The following DCDC1 variants were observed in gnomAD, a reference collection of about 807,000 sequenced individuals.
The protein encoded by DCDC1 is doublecortin domain-containing protein 1.
DCDC1 carries 200 observed loss-of-function variants against 178.3 expected under a neutral mutation model. The observed-to-expected ratio is 1.12, with a 90% CI of 1.00 to 1.26. The LOEUF is 1.26. DCDC1 is among the 50% of genes most tolerant of loss of function. The pLI is 0.00. For synonymous variants in DCDC1, 690 were observed against 604.8 expected (o/e 1.14, Z -2.07); for missense variants, 1,983 against 1,749.2 (o/e 1.13, Z -2.38).
At chr11:31,201,824 G>T (rs1400791455) in intron 9 of DCDC1, among the ~76,000 whole-genome samples, 1 of 152,082 alleles carries the variant, frequency 6.6e-6, no homozygotes, top group Non-Finnish European at 1.5e-5. Context: ...GAGGAAAGAA[G>T]TGAAAACAAA....
intron 20 of DCDC1, among the ~76,000 whole-genome samples, chr11:31,001,937 T>C (rs1951602675): frequency 6.6e-6 from 1 of 152,238 alleles, no homozygotes; most frequent in South Asian, 2.1e-4. Context: ...TCTAATGAAT[T>C]TCCAGTGTCC....
At chr11:31,099,673 A>T (rs1958375548) in intron 15 of DCDC1, among the ~76,000 whole-genome samples, 1 of 151,602 alleles carries the variant, frequency 6.6e-6, no homozygotes, top group Non-Finnish European at 1.5e-5. Context: ...GTCACAAATC[A>T]GATAGGGCTA....
chr11:31,281,153 GTTCT>G (rs1946396263), intron 7 of DCDC1, among the ~76,000 whole-genome samples: 1 of 151,954 alleles, frequency 6.6e-6, no homozygotes, highest in Non-Finnish European at 1.5e-5. Context: ...TTTTATGTAG[GTTCT>G]TTAAGGTATT....
chr11:31,096,564 G>T (rs958708478), intron 15 of DCDC1, among the ~76,000 whole-genome samples: 3 of 152,068 alleles, frequency 2.0e-5, no homozygotes, highest in Non-Finnish European at 4.4e-5. Flanking sequence ...GGGGTCCTTT[G>T]TCTCTGCCTT....
chr11:31,030,316 G>A (rs1267426850), intron 20 of DCDC1, among the ~76,000 whole-genome samples: 1 of 152,016 alleles, frequency 6.6e-6, no homozygotes, highest in East Asian at 1.9e-4. Flanking sequence ...GCACCACACA[G>A]TTGGTAGACA....
intron 29 of DCDC1, 140 bp downstream of exon 29, chr11:30,908,806 G>T: frequency 4.8e-6 from 3 of 618,876 alleles, no homozygotes; most frequent in South Asian, 7.5e-5. Context: ...CAGAATCAGA[G>T]TCTAAGTGAT....
intron 2 of DCDC1, among the ~76,000 whole-genome samples, chr11:31,333,519 G>C (rs2133143609): frequency 6.6e-6 from 1 of 152,254 alleles, no homozygotes; most frequent in East Asian, 1.9e-4. Flanking sequence ...GCTGGTACTG[G>C]TTGTTTCTTT....
intron 7 of DCDC1, among the ~76,000 whole-genome samples, chr11:31,268,711 A>G (rs1338552340): frequency 6.6e-6 from 1 of 152,216 alleles, no homozygotes; most frequent in Admixed American, 6.5e-5. Context: ...TTTTGGCAGA[A>G]TGATTTTTCT....
At chr11:31,111,642 TG>T in intron 11 of DCDC1, among the ~76,000 whole-genome samples, 1 of 152,268 alleles carries the variant, frequency 6.6e-6, no homozygotes, top group East Asian at 1.9e-4. Flanking sequence ...TGCAAACCTA[TG>T]GAAAATAATG....
intron 7 of DCDC1, among the ~76,000 whole-genome samples, chr11:31,289,659 G>A (rs1304790633): frequency 6.6e-6 from 1 of 151,946 alleles, no homozygotes; most frequent in Non-Finnish European, 1.5e-5. Context: ...TTTCTGTTAG[G>A]TGCATATTAT....
chr11:31,150,656 C>T (rs1016539360), intron 9 of DCDC1, among the ~76,000 whole-genome samples: 1 of 152,098 alleles, frequency 6.6e-6, no homozygotes, highest in Admixed American at 6.5e-5. Context: ...CTTTTTAATA[C>T]TCCTTTCCTT....
intron 9 of DCDC1, among the ~76,000 whole-genome samples, chr11:31,203,340 T>C (rs548665114): frequency 2.0e-5 from 3 of 152,276 alleles, no homozygotes; most frequent in South Asian, 4.1e-4. Context: ...AAGAAAAATA[T>C]AGTATCCAGT....
chr11:31,191,825 T>C (rs2136354890), intron 9 of DCDC1, among the ~76,000 whole-genome samples: 1 of 152,180 alleles, frequency 6.6e-6, no homozygotes, highest in Non-Finnish European at 1.5e-5. Flanking sequence ...CTACTTTTGC[T>C]TGGTCATACA....
intron 9 of DCDC1, among the ~76,000 whole-genome samples, chr11:31,229,078 A>C (rs1975405711): frequency 1.3e-5 from 2 of 152,098 alleles, no homozygotes; most frequent in Non-Finnish European, 2.9e-5. Context: ...CAAATAAATA[A>C]CTATATGTCT....
chr11:31,085,956 G>A (rs776508644), intron 17 of DCDC1, among the ~76,000 whole-genome samples: 12 of 152,004 alleles, frequency 7.9e-5, no homozygotes, highest in African/African-American at 2.2e-4. Context: ...TCAAACTCCC[G>A]GTCTCAAGCA....
chr11:31,245,451 T>C (rs1029376706), intron 8 of DCDC1, among the ~76,000 whole-genome samples: 10 of 151,734 alleles, frequency 6.6e-5, no homozygotes, highest in African/African-American at 2.4e-4. Flanking sequence ...TTCTATAACC[T>C]AAAAAAATTT....
rs1949754504 is a variant in DCDC1, at chr11:31,328,255, T to C, written c.26A>G (p.His9Arg). The C allele has an allele frequency of 1.3e-6, 2 of 1,583,586 alleles. No individual in the cohort carries two copies. The highest frequency in any genetic ancestry group is 1.7e-6 in the Non-Finnish European group (2 of 1,161,746). Residue 9 changes from histidine (H) to arginine (R), a missense_variant, in exon 3 of 39, where the codon CAC (histidine) becomes CGC (arginine). His to Arg is a conservative substitution (Grantham distance 29). Coordinates refer to ENST00000684477, the MANE Select transcript of DCDC1 (RefSeq NM_001387274.1). MAKTGAEDHREALSQSSLS... is the reference protein window; with the variant it reads MAKTGAEDRREALSQSSLS... ...GGAAGACTGAGATAGTGCTTCTCTG[T>C]GATCTTCTGCTCCTGTTTTTGCCAT...
At chr11:31,329,556 C>T (rs188371652) in intron 2 of DCDC1, among the ~76,000 whole-genome samples, 23 of 152,238 alleles carry the variant, frequency 1.5e-4, no homozygotes, top group African/African-American at 4.3e-4. Flanking sequence ...CCCTGCCCCC[C>T]ACCCCACAAC....
intron 36 of DCDC1, among the ~76,000 whole-genome samples, chr11:30,891,592 T>C (rs1943782115): frequency 6.6e-6 from 1 of 152,228 alleles, no homozygotes; most frequent in Admixed American, 6.5e-5. Context: ...ACTCTGATTT[T>C]TGAAAGAACC....
Sources: gnomAD v4.1 joint callset for allele counts (sites outside exome capture counted in the v4.1 genomes callset) on GRCh38, gnomAD v4.1.1 for gene constraint, MANE v1.5 for transcripts, NCBI Gene and HGNC (gene_info 2026-07-23, HGNC 2026-07-21) for gene names.